ZNF765: variants seen among roughly 807,000 people sequenced by gnomAD.
ZNF765 encodes zinc finger protein 765.
A neutral mutation model predicts 44.7 loss-of-function variants in ZNF765; 37 were observed. That is an observed-to-expected ratio of 0.83 (90% CI 0.64 to 1.09). ZNF765 has a LOEUF of 1.09. Among genes scored for constraint, ZNF765 ranks in the 50% least tolerant of loss-of-function variants. The pLI, the probability that ZNF765 is intolerant of heterozygous loss-of-function variation, is 0.00. For synonymous variants in ZNF765, 201 were observed against 213.7 expected (o/e 0.94, Z 0.52); for missense variants, 594 against 626.1 (o/e 0.95, Z 0.55).
chr19:53,414,873 A>T (rs985606718), downstream of ZNF765, among the ~76,000 whole-genome samples: 1 of 152,066 alleles, frequency 6.6e-6, no homozygotes. Flanking sequence ...AGCTCTGTCA[A>T]TGTGTAAACA....
intron 3 of ZNF765, among the ~76,000 whole-genome samples, chr19:53,402,467 A>G (rs1248375381): frequency 1.3e-5 from 2 of 151,898 alleles, no homozygotes; most frequent in African/African-American, 4.8e-5. Context: ...TCACCATGTT[A>G]GCCAGGATGG....
chr19:53,402,173 A>G lies in ZNF765; in HGVS notation c.124A>G (p.Arg42Gly). 1 of 1,612,972 alleles carries G rather than the reference A, an allele frequency of 6.2e-7. No homozygotes were observed. The change falls in exon 3 of 4, where the codon AGG (arginine) becomes GGG (glycine). Residue 42 changes from arginine to glycine, a missense_variant. Transcript: ENST00000396408. ...CAGGGACGTGATGCTGGAGAATTATAGGAACCTGGTCTCCCTGGGTGAGGA... is the reference window on the plus strand; with the variant it reads ...CAGGGACGTGATGCTGGAGAATTATGGGAACCTGGTCTCCCTGGGTGAGGA... ...LYRDVMLENYRNLVSLDISSK... is the reference protein window; with the variant it reads ...LYRDVMLENYGNLVSLDISSK...
chr19:53,412,587 AAG>A (rs2085842044), downstream of ZNF765, among the ~76,000 whole-genome samples: 1 of 152,210 alleles, frequency 6.6e-6, no homozygotes, highest in Non-Finnish European at 1.5e-5. Flanking sequence ...TAAGTTTGAA[AAG>A]AGACTCTATC....
At chr19:53,419,956 G>C (rs2085897666) in intron 3 of ZNF765, among the ~76,000 whole-genome samples, 2 of 151,864 alleles carry the variant, frequency 1.3e-5, no homozygotes, top group East Asian at 1.9e-4. Flanking sequence ...GGAAGGCGAA[G>C]GTTGTGGTGA....
At position 53,409,913 on chromosome 19, in the gene ZNF765, T is replaced by C; in HGVS notation, c.*786T>C. 1 of 626,010 alleles carries C rather than the reference T, an allele frequency of 1.6e-6. No homozygotes were observed. The highest frequency in any genetic ancestry group is 3.1e-6 in the Non-Finnish European group (1 of 322,570). 38.8% of individuals were successfully genotyped at this position (626,010 alleles called of 1,614,324 possible). ...AACCTTTCATGGGCAGTCAGCATTT[T>C]ACAAATGTAATGATTGTCACCAAGT... is the stretch of plus-strand genomic sequence containing the variant. On this transcript the variant is annotated 3_prime_UTR_variant, in exon 4 of 4. Transcript: ENST00000396408.
chr19:53,411,272 T>G lies in ZNF765; in HGVS notation c.*2145T>G, dbSNP rs563084128. On this transcript the variant is annotated 3_prime_UTR_variant, in exon 4 of 4. Transcript: ENST00000396408. ...ATTTTCCCAGCCTGTTTTTTGTTTCTTTAACAAAAACTGATAGGGATTTTT... is the reference window on the plus strand; with the variant it reads ...ATTTTCCCAGCCTGTTTTTTGTTTCGTTAACAAAAACTGATAGGGATTTTT... 6.6e-6 allele frequency: 1 copy of G among 152,346 alleles called. No individual in the cohort carries two copies. Among genetic ancestry groups the G allele is most frequent in the African/African-American group, 2.4e-5 (1 of 40,856 alleles). 9.4% of individuals were successfully genotyped at this position (152,346 alleles called of 1,614,324 possible). A position where few individuals can be genotyped will look rare whatever the true frequency, so the allele number is the denominator to read the frequency against.
chr19:53,409,543 G>T lies in ZNF765; in HGVS notation c.*416G>T. On this transcript the variant is annotated 3_prime_UTR_variant, in exon 4 of 4. Coordinates refer to ENST00000396408, the MANE Select transcript of ZNF765 (RefSeq NM_001040185.3). ...TACTGGAGAGAAACCTTACAAATGT[G>T]AAGAATTTGAGTTTTCCATTTCAAA... is the stretch of plus-strand genomic sequence containing the variant. 1 of 1,099,188 alleles carries T rather than the reference G, an allele frequency of 9.1e-7. No individual in the cohort carries two copies. Among genetic ancestry groups the T allele is most frequent in the Non-Finnish European group, 1.3e-6 (1 of 760,688 alleles). The allele number at this position is 1,099,188 out of a possible 1,614,324, so 68.1% of individuals were successfully genotyped here.
chr19:53,421,094 C>T (rs879175415), intron 3 of ZNF765, among the ~76,000 whole-genome samples: 9 of 152,150 alleles, frequency 5.9e-5, no homozygotes, highest in African/African-American at 1.7e-4. Context: ...AGGAGAAAAC[C>T]GCCTCAGGGC....
rs34326774 is a variant in ZNF765 at position 53,411,292 on chromosome 19, A to ATTT, written c.*2180_*2182dup. On this transcript the variant is annotated 3_prime_UTR_variant, in exon 4 of 4. Coordinates refer to ENST00000396408, the MANE Select transcript of ZNF765 (RefSeq NM_001040185.3). ...GTTTCTTTAACAAAAACTGATAGGG[A>ATTT]TTTTTTTTTTTTTTTTTGAGATGGA... 6,039 of 133,124 alleles carry ATTT rather than the reference A, an allele frequency of 0.045. 275 individuals are homozygous for ATTT. The highest frequency in any genetic ancestry group is 0.22 in the East Asian group (988 of 4,482). 8.2% of individuals were successfully genotyped at this position (133,124 alleles called of 1,614,324 possible).
At chr19:53,423,938 G>A (rs2085923211) in exon 4 of ZNF765, 1 of 155,006 alleles carries the variant, frequency 6.5e-6, no homozygotes, top group Non-Finnish European at 1.4e-5. Flanking sequence ...GGAAGATACT[G>A]AAACGTAAAC....
chr19:53,414,485 ACACACCCCCCCCCCCC>A, downstream of ZNF765, among the ~76,000 whole-genome samples: 1 of 1,552 alleles, frequency 6.4e-4, no homozygotes, highest in East Asian at 0.013. Flanking sequence ...ACACACACAC[ACACACCCCCCCCCCCC>A]CCCCCCCCGG....
At chr19:53,426,774 C>T (rs563678924) in exon 4 of ZNF765, 16 of 149,932 alleles carry the variant, frequency 1.1e-4, no homozygotes, top group African/African-American at 3.6e-4. Flanking sequence ...CTGAAACCAT[C>T]CCCCCATCTG....
downstream of ZNF765, chr19:53,413,175 A>G (rs989361599): frequency 1.2e-4 from 70 of 574,156 alleles, 1 homozygote; most frequent in South Asian, 9.5e-4. Context: ...TGTGTACTTG[A>G]CTCTGCCTCT....
Position 53,408,918 on chromosome 19 carries a change from A to G in ZNF765, c.1363A>G (p.Ile455Val), listed in dbSNP as rs2147098610. 6.2e-7 allele frequency: 1 copy of G among 1,612,920 alleles called. No individual in the cohort carries two copies. Among genetic ancestry groups the G allele is most frequent in the South Asian group, 1.1e-5 (1 of 91,008 alleles). The change falls in exon 4 of 4, where the codon ATA becomes GTA. Residue 455 changes from isoleucine to valine, a missense_variant. Ile to Val is a conservative substitution (Grantham distance 29, BLOSUM62 3). Coordinates refer to ENST00000396408, the MANE Select transcript of ZNF765 (RefSeq NM_001040185.3). ...CTACAGTTTCAAATCAAACCTTGAAATACATCAGAAAATTCATACTGAAGA... is the reference window on the plus strand; with the variant it reads ...CTACAGTTTCAAATCAAACCTTGAAGTACATCAGAAAATTCATACTGAAGA... ...KAYSFKSNLEIHQKIHTEENP... is the reference protein window; with the variant it reads ...KAYSFKSNLEVHQKIHTEENP...
At chr19:53,400,216 G>A (rs1197649087) in intron 2 of ZNF765, among the ~76,000 whole-genome samples, 1 of 152,084 alleles carries the variant, frequency 6.6e-6, no homozygotes, top group Non-Finnish European at 1.5e-5. Flanking sequence ...ATTTTACTTC[G>A]ATATTTGATC....
At chr19:53,415,800 C>G (rs1011636628), downstream of ZNF765, among the ~76,000 whole-genome samples, 2 of 152,034 alleles carry the variant, frequency 1.3e-5, no homozygotes, top group Admixed American at 1.3e-4. Flanking sequence ...TTCTCCTGGT[C>G]CCCATATTTT....
Position 53,409,447 on chromosome 19 carries a change from C to T in ZNF765, c.*320C>T. ...TAGGAGAATTCACACTGGTGAGAAA[C>T]CTTACAGGTGTAATGAGTGTGGCAA... On this transcript the variant is annotated 3_prime_UTR_variant, in exon 4 of 4. Coordinates refer to ENST00000396408, the MANE Select transcript of ZNF765 (RefSeq NM_001040185.3). The T allele has an allele frequency of 4.6e-6, 4 of 862,686 alleles. No homozygotes were observed. The highest frequency in any genetic ancestry group is 8.0e-6 in the Non-Finnish European group (4 of 499,932). 53.4% of individuals were successfully genotyped at this position (862,686 alleles called of 1,614,324 possible).
chr19:53,413,365 CA>C (rs2085847850), downstream of ZNF765: 3 of 573,862 alleles, frequency 5.2e-6, no homozygotes, highest in Non-Finnish European at 1.0e-5. Flanking sequence ...CGTGAGATGG[CA>C]CACATATTTA....
At chr19:53,404,312 G>C (rs1164851646) in intron 3 of ZNF765, among the ~76,000 whole-genome samples, 1 of 152,164 alleles carries the variant, frequency 6.6e-6, no homozygotes, top group African/African-American at 2.4e-5. Flanking sequence ...CTGCCCTAAA[G>C]TGATCCACCA....
Sources: allele counts gnomAD v4.1 joint callset (sites outside exome capture counted in the v4.1 genomes callset), GRCh38; gene constraint gnomAD v4.1.1; transcripts MANE v1.5; gene names NCBI Gene and HGNC (gene_info 2026-07-23, HGNC 2026-07-21).